RAB18: variants seen among roughly 807,000 people sequenced by gnomAD.
RAB18 encodes RAB18, member RAS oncogene family.
Under a neutral mutation model 28.5 loss-of-function variants are expected in RAB18, and 10 were observed. That is an observed-to-expected ratio of 0.35 (90% confidence interval 0.22 to 0.60). RAB18 has a LOEUF of 0.60. Ranked by LOEUF, RAB18 falls within the 20% of genes least tolerant of loss-of-function variation. The pLI is 0.78. For synonymous variants in RAB18, 93 were observed against 86.9 expected, an observed-to-expected ratio of 1.07 and a Z score of -0.39; for missense variants, 188 against 244.2, an observed-to-expected ratio of 0.77 and a Z score of 1.53.
intron 6 of RAB18, 43 bp from the exon 7 acceptor site, chr10:27,537,833 A>C (rs1272417121): frequency 3.3e-6 from 5 of 1,526,668 alleles, no homozygotes; most frequent in Non-Finnish European, 3.6e-6. Flanking sequence ...GAATATGGCC[A>C]GAAAGGAATA....
intron 2 of RAB18, among the ~76,000 whole-genome samples, chr10:27,525,065 A>C (rs1834645008): frequency 6.6e-6 from 1 of 152,238 alleles, no homozygotes; most frequent in Non-Finnish European, 1.5e-5. Flanking sequence ...AATTATTCTT[A>C]TGTCAGAGAC....
intron 6 of RAB18, among the ~76,000 whole-genome samples, chr10:27,534,670 C>G (rs1237554556): frequency 1.3e-5 from 2 of 152,186 alleles, no homozygotes; most frequent in African/African-American, 4.8e-5. Flanking sequence ...GTCAGAATCA[C>G]CTGGGCCCTG....
intron 2 of RAB18, among the ~76,000 whole-genome samples, chr10:27,520,384 T>A (rs1003121905): frequency 6.6e-6 from 1 of 152,198 alleles, no homozygotes; most frequent in African/African-American, 2.4e-5. Context: ...CTCTCTTTTT[T>A]TTTTGAAGTT....
At chr10:27,517,022 G>A (rs1834449867) in intron 2 of RAB18, among the ~76,000 whole-genome samples, 1 of 152,038 alleles carries the variant, frequency 6.6e-6, no homozygotes, top group South Asian at 2.1e-4. Context: ...AAACAAGTAG[G>A]CACCAAACAT....
At chr10:27,518,182 A>T (rs1834476932) in intron 2 of RAB18, among the ~76,000 whole-genome samples, 1 of 152,224 alleles carries the variant, frequency 6.6e-6, no homozygotes, top group South Asian at 2.1e-4. Context: ...GATTATGAAT[A>T]GTCCTGTTGT....
chr10:27,533,738 A>G lies in RAB18; in HGVS notation c.263A>G (p.Tyr88Cys). 1 of 1,613,094 alleles carries G rather than the reference A, an allele frequency of 6.2e-7. No homozygotes were observed. Among genetic ancestry groups the G allele is most frequent in the Non-Finnish European group, 8.5e-7 (1 of 1,179,522 alleles). Reference protein sequence around the residue: ...YRGAQGVILVYDVTRRDTFVK... With the variant: ...YRGAQGVILVCDVTRRDTFVK... ...CAAATGACTCCTTTTATTTCAGTTT[A>G]TGATGTCACAAGAAGAGATACATTT... Residue 88 changes from tyrosine (Y) to cysteine (C), a missense_variant, in exon 5 of 7, where the codon TAT (tyrosine) becomes TGT (cysteine). Tyr to Cys is a radical substitution (Grantham distance 194). Transcript: ENST00000356940.
At chr10:27,514,225 G>A (rs902254271) in intron 2 of RAB18, 1 of 152,070 alleles carries the variant, frequency 6.6e-6, no homozygotes, top group African/African-American at 2.4e-5. Flanking sequence ...AAATAAAAAA[G>A]GAAGAAAGAA....
intron 3 of RAB18, among the ~76,000 whole-genome samples, 154 bp from the exon 4 acceptor site, chr10:27,532,349 TGTCA>T (rs1834804765): frequency 6.6e-6 from 1 of 152,046 alleles, no homozygotes; most frequent in Non-Finnish European, 1.5e-5. Context: ...TTGTGACACT[TGTCA>T]GTAAGCGAAC....
intron 1 of RAB18, chr10:27,504,790 G>A: frequency 1.9e-6 from 1 of 529,474 alleles, no homozygotes. Context: ...GGGGCGCCTT[G>A]CCTCGAACCT....
At position 27,539,576 on chromosome 10, in the gene RAB18, C is replaced by T. The variant is rs1220565587; in HGVS notation, c.*1525C>T. ...TAGAAATTTGGAGAAAGAACACTAA[C>T]ACATGTACTTGTGATTTGTTCATGT... On this transcript the variant is annotated 3_prime_UTR_variant, in exon 7 of 7. Transcript: ENST00000356940. The T allele has an allele frequency of 6.9e-6, 3 of 432,818 alleles. No individual in the cohort carries two copies. Among genetic ancestry groups the T allele is most frequent in the Non-Finnish European group, 1.4e-5 (3 of 219,744 alleles). The allele number at this position is 432,818 out of a possible 1,614,324, so 26.8% of individuals were successfully genotyped here.
intron 1 of RAB18, 82 bp downstream of exon 1, chr10:27,504,519 A>T (rs1287064472): frequency 6.9e-7 from 1 of 1,446,464 alleles, no homozygotes; most frequent in East Asian, 2.5e-5. Flanking sequence ...CCGCGACGGG[A>T]ACTGTAAACT....
In RAB18 at chr10:27,540,315, C is replaced by A; in HGVS notation, c.*2264C>A. The A allele has an allele frequency of 2.2e-6, 1 of 454,014 alleles. No individual in the cohort carries two copies. The highest frequency in any genetic ancestry group is 4.4e-6 in the Non-Finnish European group (1 of 226,758). The allele number at this position is 454,014 out of a possible 1,614,324, so 28.1% of individuals were successfully genotyped here. ...AACACAATGTAGGTATGTTAGGTAA[C>A]CCCCAAAGATCACATAGCTACTCAG... On this transcript the variant is annotated 3_prime_UTR_variant, in exon 7 of 7. Transcript: ENST00000356940.
intron 2 of RAB18, among the ~76,000 whole-genome samples, chr10:27,515,240 T>A (rs1834412008): frequency 6.6e-6 from 1 of 152,142 alleles, no homozygotes; most frequent in Non-Finnish European, 1.5e-5. Context: ...GGAAATTAGA[T>A]CCTGTAGAAA....
At chr10:27,519,064 A>G (rs1834495548) in intron 2 of RAB18, among the ~76,000 whole-genome samples, 1 of 152,092 alleles carries the variant, frequency 6.6e-6, no homozygotes, top group Admixed American at 6.5e-5. Flanking sequence ...TTATCAGTTG[A>G]TATGAAACAT....
intron 2 of RAB18, among the ~76,000 whole-genome samples, chr10:27,520,998 T>C (rs1392345129): frequency 6.6e-6 from 1 of 151,684 alleles, no homozygotes; most frequent in Non-Finnish European, 1.5e-5. Context: ...TTTTAATATA[T>C]TGTATTTTTA....
intron 3 of RAB18, among the ~76,000 whole-genome samples, chr10:27,528,999 C>T (rs899369568): frequency 6.6e-6 from 1 of 151,890 alleles, no homozygotes; most frequent in Admixed American, 6.6e-5. Flanking sequence ...ACATATTTTA[C>T]CCATTTTATA....
chr10:27,519,590 G>A (rs1193417482), intron 2 of RAB18, among the ~76,000 whole-genome samples: 1 of 151,952 alleles, frequency 6.6e-6, no homozygotes, highest in East Asian at 1.9e-4. Context: ...AAAAATCTAC[G>A]GAATACCCAG....
chr10:27,533,546 G>T (rs550181832), intron 4 of RAB18, among the ~76,000 whole-genome samples, 189 bp from the exon 5 acceptor site: 2 of 148,532 alleles, frequency 1.3e-5, no homozygotes, highest in Non-Finnish European at 3.0e-5. Context: ...ATTGAAATGT[G>T]TATGCTTTAA....
chr10:27,504,306 TC>T lies in RAB18; in HGVS notation c.-63del. Reference sequence around the variant, plus strand: ...GCGGCGCGCATGCGCAGCAGCTCACTCTGCTGAAGGGCTGAGAGGCGCACCC... The same window carrying T: ...GCGGCGCGCATGCGCAGCAGCTCACTTGCTGAAGGGCTGAGAGGCGCACCC... On this transcript the variant is annotated 5_prime_UTR_variant, in exon 1 of 7. Coordinates refer to ENST00000356940, the MANE Select transcript of RAB18 (RefSeq NM_021252.5). 2.0e-6 allele frequency: 3 copies of T among 1,489,384 alleles called. No individual in the cohort carries two copies. The highest frequency in any genetic ancestry group is 2.7e-6 in the Non-Finnish European group (3 of 1,095,346). The allele number at this position is 1,489,384 out of a possible 1,614,324, so 92.3% of individuals were successfully genotyped here. A position where few individuals can be genotyped will look rare whatever the true frequency, so the allele number is the denominator to read the frequency against.
Sources: allele counts gnomAD v4.1 joint callset (sites outside exome capture counted in the v4.1 genomes callset), GRCh38; gene constraint gnomAD v4.1.1; transcripts MANE v1.5; gene names NCBI Gene and HGNC (gene_info 2026-07-23, HGNC 2026-07-21).